The following MAPK10 variants were observed in gnomAD, a reference collection of about 807,000 sequenced individuals.
MAPK10 encodes JNK3 alpha protein kinase.
In MAPK10, 25 loss-of-function variants were observed where a neutral mutation model predicts 59.3. The observed-to-expected ratio is 0.42, with a 90% CI of 0.31 to 0.59. The LOEUF is 0.59. Ranked by LOEUF, MAPK10 falls within the 20% of genes least tolerant of loss-of-function variation. MAPK10 has a pLI of 0.15. For synonymous variants in MAPK10, 190 were observed against 200.5 expected, an observed-to-expected ratio of 0.95 and a Z score of 0.44; for missense variants, 351 against 568.9, an observed-to-expected ratio of 0.62 and a Z score of 3.90.
At chr4:86,237,323 C>T (rs1226259255) in intron 2 of MAPK10, among the ~76,000 whole-genome samples, 5 of 152,094 alleles carry the variant, frequency 3.3e-5, no homozygotes, top group Non-Finnish European at 7.4e-5. Context: ...CATATGTGTG[C>T]ATGTGTCTTT....
intron 2 of MAPK10, among the ~76,000 whole-genome samples, chr4:86,199,376 T>G (rs2082110409): frequency 6.6e-6 from 1 of 152,054 alleles, no homozygotes; most frequent in South Asian, 2.1e-4. Context: ...AGTTGAATAG[T>G]GAAACAAGTA....
chr4:86,165,909 C>T (rs2071538026), intron 3 of MAPK10, among the ~76,000 whole-genome samples: 3 of 152,042 alleles, frequency 2.0e-5, no homozygotes, highest in African/African-American at 7.2e-5. Context: ...TATGAAAAAT[C>T]AATAAAGCAG....
chr4:86,148,305 G>C (rs2065499092), intron 4 of MAPK10, among the ~76,000 whole-genome samples: 1 of 152,166 alleles, frequency 6.6e-6, no homozygotes, highest in South Asian at 2.1e-4. Context: ...GGGATTCCCA[G>C]GGAAAATGGC....
At chr4:86,466,084 G>A (rs1752173446) in intron 1 of MAPK10, among the ~76,000 whole-genome samples, 1 of 152,144 alleles carries the variant, frequency 6.6e-6, no homozygotes, top group Non-Finnish European at 1.5e-5. Flanking sequence ...ATCACTTTAT[G>A]ACAGTTACAC....
At chr4:86,039,637 T>G (rs1448740313) in intron 11 of MAPK10, among the ~76,000 whole-genome samples, 1 of 152,188 alleles carries the variant, frequency 6.6e-6, no homozygotes, top group Non-Finnish European at 1.5e-5. Context: ...GGCTGTCCCC[T>G]ATAATCCTGG....
At chr4:86,066,327 C>G (rs1251304850) in intron 10 of MAPK10, among the ~76,000 whole-genome samples, 2 of 152,080 alleles carry the variant, frequency 1.3e-5, no homozygotes, top group Non-Finnish European at 2.9e-5. Context: ...TTGCCAATGG[C>G]CTCCTAATAG....
intron 4 of MAPK10, among the ~76,000 whole-genome samples, chr4:86,132,717 C>T (rs2061233595): frequency 6.6e-6 from 1 of 152,148 alleles, no homozygotes; most frequent in South Asian, 2.1e-4. Context: ...ATTAGATTCT[C>T]ATAGGAGCGT....
At chr4:86,575,737 T>C (rs974492496) in intron 1 of MAPK10, among the ~76,000 whole-genome samples, 3 of 151,130 alleles carry the variant, frequency 2.0e-5, no homozygotes, top group East Asian at 2.1e-4. Context: ...CTTGCATTTG[T>C]GTTTAAGAAT....
At chr4:86,167,486 C>A (rs7685683) in intron 3 of MAPK10, among the ~76,000 whole-genome samples, 1 of 152,062 alleles carries the variant, frequency 6.6e-6, no homozygotes, top group Non-Finnish European at 1.5e-5. Flanking sequence ...ACTGTCAAAC[C>A]TAATCCAGCA....
intron 3 of MAPK10, among the ~76,000 whole-genome samples, chr4:86,162,794 G>A (rs1374341805): frequency 6.6e-6 from 1 of 152,026 alleles, no homozygotes; most frequent in Non-Finnish European, 1.5e-5. Flanking sequence ...GGGGAGACTT[G>A]ATCTGTGTTT....
chr4:86,399,910 G>A (rs996492088), intron 1 of MAPK10: 1 of 152,128 alleles, frequency 6.6e-6, no homozygotes, highest in African/African-American at 2.4e-5. Flanking sequence ...TTTATTTTAA[G>A]TTTTCTATAA....
At chr4:86,584,996 C>T (rs1351481795) in intron 1 of MAPK10, among the ~76,000 whole-genome samples, 1 of 151,966 alleles carries the variant, frequency 6.6e-6, no homozygotes, top group Admixed American at 6.6e-5. Flanking sequence ...ACTTTTAATC[C>T]AATTCAAGCT....
chr4:86,169,133 C>T (rs984284652), intron 3 of MAPK10, among the ~76,000 whole-genome samples: 12 of 152,056 alleles, frequency 7.9e-5, no homozygotes, highest in East Asian at 3.9e-4. Flanking sequence ...ACAGAAAAAC[C>T]GGAAACTCTA....
chr4:86,373,738 G>T (rs1380557658), intron 1 of MAPK10, among the ~76,000 whole-genome samples: 2 of 152,096 alleles, frequency 1.3e-5, no homozygotes, highest in African/African-American at 4.8e-5. Context: ...TGGTGATCAT[G>T]AGAAAGTCAG....
At chr4:86,321,566 C>G (rs1328875994) in intron 2 of MAPK10, among the ~76,000 whole-genome samples, 1 of 126,552 alleles carries the variant, frequency 7.9e-6, no homozygotes, top group African/African-American at 3.1e-5. Flanking sequence ...AGGGGAACAT[C>G]ACACTCTGGG....
intron 1 of MAPK10, among the ~76,000 whole-genome samples, chr4:86,567,944 T>C (rs1761175496): frequency 6.6e-6 from 1 of 152,142 alleles, no homozygotes; most frequent in Non-Finnish European, 1.5e-5. Flanking sequence ...AAGTTCTAGC[T>C]AGAGCAATCA....
At chr4:86,238,044 G>C (rs1250318170) in intron 2 of MAPK10, among the ~76,000 whole-genome samples, 1 of 152,152 alleles carries the variant, frequency 6.6e-6, no homozygotes, top group African/African-American at 2.4e-5. Flanking sequence ...AAGAGGTCCA[G>C]TTTCAATTTT....
intron 1 of MAPK10, among the ~76,000 whole-genome samples, chr4:86,552,399 C>A (rs1331648409): frequency 1.4e-5 from 2 of 145,718 alleles, no homozygotes; most frequent in Non-Finnish European, 3.0e-5. Flanking sequence ...CCAGCCCAGG[C>A]AACAGAGTGA....
Position 86,135,722 on chromosome 4 carries a change from G to C in MAPK10, c.236+23576C>G, listed in dbSNP as rs142822034. ...GACGAGCTGAGAGAAGAAGGCTTCAGACGATCAAATTACTGAGCTATGGGA... is the reference window on the plus strand; with the variant it reads ...GACGAGCTGAGAGAAGAAGGCTTCACACGATCAAATTACTGAGCTATGGGA... On this transcript the variant is annotated intron_variant, in intron 4 of 13. Transcript: ENST00000641462. Among the ~76,000 whole-genome samples the C allele has an allele frequency of 1.3e-4, 19 of 150,996 alleles. No homozygotes were observed. In the East Asian group the frequency reaches 3.1e-3, roughly 25 times the overall value.
Sources: allele counts gnomAD v4.1 joint callset (sites outside exome capture counted in the v4.1 genomes callset), GRCh38; gene constraint gnomAD v4.1.1; transcripts MANE v1.5; gene names NCBI Gene and HGNC (gene_info 2026-07-23, HGNC 2026-07-21).